The following DNPH1 variants were observed in gnomAD, a reference collection of about 807,000 sequenced individuals.
DNPH1 encodes 5-hydroxymethyl-dUMP N-hydrolase.
In DNPH1, 18 loss-of-function variants were observed where a neutral mutation model predicts 15.7. The ratio of observed to expected loss-of-function variants is 1.15; its 90% confidence interval spans 0.79 to 1.70. The LOEUF (loss-of-function observed/expected upper bound fraction) is 1.70, where lower values mean the gene tolerates loss of function less well. DNPH1 is among the 40% of genes most tolerant of loss of function. The pLI is 0.00. For missense variants in DNPH1, 262 were observed against 255.2 expected (o/e 1.03, Z -0.18); for synonymous variants, 114 against 107.9 (o/e 1.06, Z -0.35).
intron 1 of DNPH1, chr6:43,228,933 A>G: frequency 5.1e-6 from 1 of 197,886 alleles, no homozygotes; most frequent in Non-Finnish European, 1.1e-5. Context: ...ACTGAGCCCA[A>G]GCAAAGCAGC....
rs1187758561 is a variant in DNPH1 at position 43,229,390 on chromosome 6, G to GGGCCGGGC, written c.59_66dup (p.Leu23AlafsTer75). ...CCGCGAATGCTCCCGCAGAAGTACA[G>GGGCCGGGC]GGCCGGGCGGCCAGGCTCCCCGCGC... is the stretch of plus-strand genomic sequence containing the variant. On this transcript the variant is annotated frameshift_variant, in exon 1 of 4. Transcript: ENST00000230431. LOFTEE classifies it high-confidence loss of function. The GGGCCGGGC allele has an allele frequency of 6.9e-7, 1 of 1,455,972 alleles. No homozygotes were observed. The highest frequency in any genetic ancestry group is 1.5e-5 in the African/African-American group (1 of 68,366). 90.2% of individuals were successfully genotyped at this position (1,455,972 alleles called of 1,614,324 possible). A position where few individuals can be genotyped will look rare whatever the true frequency, so the allele number is the denominator to read the frequency against.
Position 43,225,700 on chromosome 6 carries a change from G to A in DNPH1, c.*33C>T, listed in dbSNP as rs879245630. ...AAGGAATGGTACTAGAGCAGTGTCTGAGAATAGAAGAATTTAAGAAAGTGA... is the reference window on the plus strand; with the variant it reads ...AAGGAATGGTACTAGAGCAGTGTCTAAGAATAGAAGAATTTAAGAAAGTGA... On this transcript the variant is annotated 3_prime_UTR_variant, in exon 4 of 4. Transcript: ENST00000230431. 6.2e-7 allele frequency: 1 copy of A among 1,611,876 alleles called. No homozygotes were observed. Among genetic ancestry groups the A allele is most frequent in the Non-Finnish European group, 8.5e-7 (1 of 1,179,290 alleles).
Position 43,229,475 on chromosome 6 carries a change from C to G in DNPH1, c.-19G>C, listed in dbSNP as rs943379931. 3.9e-6 allele frequency: 5 copies of G among 1,285,066 alleles called. No homozygotes were observed. Among genetic ancestry groups the G allele is most frequent in the Middle Eastern group, 3.0e-4 (1 of 3,334 alleles). 79.6% of individuals were successfully genotyped at this position (1,285,066 alleles called of 1,614,324 possible). A position where few individuals can be genotyped will look rare whatever the true frequency, so the allele number is the denominator to read the frequency against. ...CAGCCATTCCCCAGCCGCCCGCGCT[C>G]TCCGGCGCCAGGGGGCGCCAGCCCG... is the stretch of plus-strand genomic sequence containing the variant. On this transcript the variant is annotated 5_prime_UTR_variant, in exon 1 of 4. Transcript: ENST00000230431.
Position 43,226,334 on chromosome 6 carries a change from C to T in DNPH1, c.258G>A (p.Gln86=), listed in dbSNP as rs368480482. ...IHEQDLEWLQ[Q]ADVVVAEVTQ... is the part of the protein sequence containing the mutation. The stretch of plus-strand genomic sequence containing the variant: ...GGAGGGAGCGCCACTCACCGTCCGC[C>T]TGCTGCAGCCACTCCAGGTCCTGCT... The change falls in exon 2 of 4, where the codon CAG becomes CAA. Residue 86 remains glutamine, a synonymous_variant. Coordinates refer to ENST00000230431, the MANE Select transcript of DNPH1 (RefSeq NM_006443.3). The surrounding 1 kb of genome is among the most constrained non-coding windows in gnomAD (Gnocchi z 4.1). 5.6e-6 allele frequency: 9 copies of T among 1,612,574 alleles called. No individual in the cohort carries two copies. The African/African-American group carries it at 1.2e-4, about 22-fold the overall frequency.
chr6:43,229,260 CCG>C lies in DNPH1; in HGVS notation c.195_196del (p.Glu67ArgfsTer6), dbSNP rs1391929206. The stretch of plus-strand genomic sequence containing the variant: ...CGCGTCCCGCGGCCCCAGGGCCTCA[CCG>C]CGCGCGCCCAGCTCGGCGGCCGCCA... On this transcript the variant is annotated frameshift_variant and splice_region_variant, in exon 1 of 4. Coordinates refer to ENST00000230431, the MANE Select transcript of DNPH1 (RefSeq NM_006443.3). LOFTEE classifies it high-confidence loss of function. 2 of 1,416,956 alleles carry C rather than the reference CCG, an allele frequency of 1.4e-6. No individual in the cohort carries two copies. The highest frequency in any genetic ancestry group is 9.2e-7 in the Non-Finnish European group (1 of 1,083,814). The allele number at this position is 1,416,956 out of a possible 1,614,324, so 87.8% of individuals were successfully genotyped here.
chr6:43,227,062 G>A (rs182262503), intron 1 of DNPH1, among the ~76,000 whole-genome samples: 12 of 151,236 alleles, frequency 7.9e-5, no homozygotes, highest in Non-Finnish European at 1.0e-4. Flanking sequence ...AGCTGAGATC[G>A]CACCACTGCA....
At position 43,226,393 on chromosome 6, in the gene DNPH1, C is replaced by T; in HGVS notation, c.199G>A (p.Glu67Lys). The change falls in exon 2 of 4, where the codon GAA (glutamate) becomes AAA (lysine). Residue 67 changes from glutamate (E) to lysine (K), a missense_variant and splice_region_variant. Physicochemically the swap from Glu to Lys is moderately conservative, Grantham distance 56. Transcript: ENST00000230431. This position sits in a 1 kb window ranked among gnomAD's most constrained non-coding sequence, Gnocchi z 4.1. ...VAAAELGARG[E>K]EAAGGDRLIH... The stretch of plus-strand genomic sequence containing the variant: ...AGCCTGTCACCCCCAGCAGCCTCTT[C>T]CCCTGTGTTGAGGGAAAGCTGGTCA... 1 of 1,611,886 alleles carries T rather than the reference C, an allele frequency of 6.2e-7. No homozygotes were observed. The highest frequency in any genetic ancestry group is 1.1e-5 in the South Asian group (1 of 90,918).
At position 43,229,481 on chromosome 6, in the gene DNPH1, C is replaced by T; in HGVS notation, c.-25G>A. The T allele has an allele frequency of 1.6e-6, 2 of 1,281,414 alleles. No homozygotes were observed. Among genetic ancestry groups the T allele is most frequent in the South Asian group, 5.1e-5 (2 of 38,974 alleles). The allele number at this position is 1,281,414 out of a possible 1,614,324, so 79.4% of individuals were successfully genotyped here. A position where few individuals can be genotyped will look rare whatever the true frequency, so the allele number is the denominator to read the frequency against. ...TTCCCCAGCCGCCCGCGCTCTCCGG[C>T]GCCAGGGGGCGCCAGCCCGCGGCCA... On this transcript the variant is annotated 5_prime_UTR_variant, in exon 1 of 4. Transcript: ENST00000230431.
intron 1 of DNPH1, chr6:43,229,019 CA>C: frequency 2.4e-6 from 1 of 411,350 alleles, no homozygotes; most frequent in Non-Finnish European, 4.6e-6. Flanking sequence ...AAGAAGGAAC[CA>C]AAGGTCAAGA....
At chr6:43,227,465 A>G (rs994578035) in intron 1 of DNPH1, among the ~76,000 whole-genome samples, 3 of 152,048 alleles carry the variant, frequency 2.0e-5, no homozygotes, top group Non-Finnish European at 4.4e-5. Flanking sequence ...GATGATCAGA[A>G]CCTGCATTTT....
chr6:43,229,464 C>A lies in DNPH1; in HGVS notation c.-8G>T. The A allele has an allele frequency of 7.8e-7, 1 of 1,289,672 alleles. No individual in the cohort carries two copies. The highest frequency in any genetic ancestry group is 9.8e-7 in the Non-Finnish European group (1 of 1,021,030). The allele number at this position is 1,289,672 out of a possible 1,614,324, so 79.9% of individuals were successfully genotyped here. On this transcript the variant is annotated 5_prime_UTR_variant, in exon 1 of 4. Transcript: ENST00000230431. ...CACCATGGCAGCAGCCATTCCCCAGCCGCCCGCGCTCTCCGGCGCCAGGGG... is the reference window on the plus strand; with the variant it reads ...CACCATGGCAGCAGCCATTCCCCAGACGCCCGCGCTCTCCGGCGCCAGGGG...
At position 43,229,336 on chromosome 6, in the gene DNPH1, G is replaced by T. The variant is rs1776789538; in HGVS notation, c.121C>A (p.Arg41=). ...GGREDRTLYE[R]IVSRLRRFGT... is the part of the protein sequence containing the mutation. The stretch of plus-strand genomic sequence containing the variant: ...AATCGCCGCAGCCGAGACACGATCC[G>T]CTCGTACAGCGTCCTGTCCTCGCGT... Residue 41 remains arginine (R), a synonymous_variant, in exon 1 of 4, where the codon CGG becomes AGG. Coordinates refer to ENST00000230431, the MANE Select transcript of DNPH1 (RefSeq NM_006443.3). The T allele has an allele frequency of 6.7e-7, 1 of 1,492,378 alleles. No homozygotes were observed. The highest frequency in any genetic ancestry group is 2.9e-5 in the East Asian group (1 of 34,110). 92.4% of individuals were successfully genotyped at this position (1,492,378 alleles called of 1,614,324 possible).
Position 43,226,618 on chromosome 6 carries a change from AG to A in DNPH1, c.197-224del, listed in dbSNP as rs150660100. 0.025 allele frequency: 13,716 copies of A among 553,984 alleles called. 197 individuals are homozygous for A. Among genetic ancestry groups the A allele is most frequent in the African/African-American group, 0.029 (1,537 of 52,596 alleles). The allele number at this position is 553,984 out of a possible 1,614,324, so 34.3% of individuals were successfully genotyped here. On this transcript the variant is annotated intron_variant, in intron 1 of 3. Coordinates refer to ENST00000230431, the MANE Select transcript of DNPH1 (RefSeq NM_006443.3). This position sits in a 1 kb window ranked among gnomAD's most constrained non-coding sequence, Gnocchi z 4.1. ...TGGGACATGTGATTAGGGCCGAATGAGGAACATCAGCAGCACTAACTGTGGA... is the reference window on the plus strand; with the variant it reads ...TGGGACATGTGATTAGGGCCGAATGAGAACATCAGCAGCACTAACTGTGGA...
chr6:43,229,179 G>C (rs1402739561), intron 1 of DNPH1, 82 bp downstream of exon 1: 1 of 1,227,782 alleles, frequency 8.1e-7, no homozygotes, highest in Non-Finnish European at 1.0e-6. Flanking sequence ...GCCGGGGGTC[G>C]GGGGGGCGGA....
In DNPH1 at chr6:43,226,163, GA is replaced by G. The variant is rs761835636; in HGVS notation, c.266-21del. 1 of 1,612,514 alleles carries G rather than the reference GA, an allele frequency of 6.2e-7. No homozygotes were observed. The highest frequency in any genetic ancestry group is 8.5e-7 in the Non-Finnish European group (1 of 1,179,866). ...CGACCACTGGGAGGAAAGATGAGAG[GA>G]AGCCTCAGCATTGGGGGCACTTGAG... On this transcript the variant is annotated intron_variant, in intron 2 of 3. Coordinates refer to ENST00000230431, the MANE Select transcript of DNPH1 (RefSeq NM_006443.3). The surrounding 1 kb of genome is among the most constrained non-coding windows in gnomAD (Gnocchi z 4.1).
In DNPH1 at chr6:43,229,336, GC is replaced by G; in HGVS notation, c.120del (p.Glu40AspfsTer55). 1.3e-6 allele frequency: 2 copies of G among 1,492,378 alleles called. No individual in the cohort carries two copies. Among genetic ancestry groups the G allele is most frequent in the Non-Finnish European group, 1.8e-6 (2 of 1,123,984 alleles). The allele number at this position is 1,492,378 out of a possible 1,614,324, so 92.4% of individuals were successfully genotyped here. A position where few individuals can be genotyped will look rare whatever the true frequency, so the allele number is the denominator to read the frequency against. ...RGGREDRTLY[E>X]RIVSRLRRFG... is the part of the protein sequence containing the mutation. The stretch of plus-strand genomic sequence containing the variant: ...AATCGCCGCAGCCGAGACACGATCC[GC>G]TCGTACAGCGTCCTGTCCTCGCGTC... On this transcript the variant is annotated frameshift_variant, in exon 1 of 4. Coordinates refer to ENST00000230431, the MANE Select transcript of DNPH1 (RefSeq NM_006443.3). LOFTEE classifies it high-confidence loss of function.
rs376819578 is a variant in DNPH1 at position 43,225,874 on chromosome 6, C to T, written c.384G>A (p.Ser128=). 5.6e-6 allele frequency: 9 copies of T among 1,614,152 alleles called. No individual in the cohort carries two copies. The highest frequency in any genetic ancestry group is 2.2e-5 in the South Asian group (2 of 91,084). ...LFRPQSGRVL[S]AMIRGAADGS... ...CATCTGCTGCTCCCCGGATCATGGC[C>T]GAAAGCACTGGAAAGGGCAGGGAAA... is the stretch of plus-strand genomic sequence containing the variant. The change falls in exon 4 of 4, where the codon TCG becomes TCA. Residue 128 remains serine, a synonymous_variant. Transcript: ENST00000230431.
chr6:43,228,064 A>G (rs1313729059), intron 1 of DNPH1, among the ~76,000 whole-genome samples: 3 of 152,162 alleles, frequency 2.0e-5, no homozygotes, highest in African/African-American at 4.8e-5. Flanking sequence ...GCACTCCAGC[A>G]TGGGTAATAG....
At position 43,229,471 on chromosome 6, in the gene DNPH1, C is replaced by T; in HGVS notation, c.-15G>A. ...GCAGCAGCCATTCCCCAGCCGCCCG[C>T]GCTCTCCGGCGCCAGGGGGCGCCAG... On this transcript the variant is annotated 5_prime_UTR_variant, in exon 1 of 4. Coordinates refer to ENST00000230431, the MANE Select transcript of DNPH1 (RefSeq NM_006443.3). 7.8e-7 allele frequency: 1 copy of T among 1,284,564 alleles called. No individual in the cohort carries two copies. The highest frequency in any genetic ancestry group is 9.8e-7 in the Non-Finnish European group (1 of 1,018,370). 79.6% of individuals were successfully genotyped at this position (1,284,564 alleles called of 1,614,324 possible).
Sources: gnomAD v4.1 joint callset for allele counts (sites outside exome capture counted in the v4.1 genomes callset) on GRCh38, gnomAD v4.1.1 for gene constraint, Gnocchi (gnomAD v3.1) non-coding constraint, MANE v1.5 for transcripts, NCBI Gene and HGNC (gene_info 2026-07-23, HGNC 2026-07-21) for gene names.